Variants in SLC4A10 observed in about 807,000 individuals in gnomAD.
SLC4A10 encodes sodium-driven chloride bicarbonate exchanger.
Under a neutral mutation model 137.7 loss-of-function variants are expected in SLC4A10, and 42 were observed. The observed-to-expected ratio is 0.30, with a 90% CI of 0.24 to 0.39. The LOEUF (loss-of-function observed/expected upper bound fraction) is 0.39, where lower values mean the gene tolerates loss of function less well. SLC4A10 is among the 10% of genes least tolerant of loss of function. The pLI, the probability that SLC4A10 is intolerant of heterozygous loss-of-function variation, is 1.00. For missense variants in SLC4A10, 925 were observed against 1,355.0 expected, an observed-to-expected ratio of 0.68 and a Z score of 4.98; for synonymous variants, 474 against 464.1, an observed-to-expected ratio of 1.02 and a Z score of -0.27.
intron 4 of SLC4A10, among the ~76,000 whole-genome samples, chr2:161,842,105 GTTAT>G (rs2059221319): frequency 6.6e-6 from 1 of 151,972 alleles, no homozygotes; most frequent in South Asian, 2.1e-4. Flanking sequence ...AGACATTTAG[GTTAT>G]TTATTTTTTT....
At chr2:161,763,434 A>G (rs566815039) in intron 1 of SLC4A10, among the ~76,000 whole-genome samples, 13 of 152,286 alleles carry the variant, frequency 8.5e-5, no homozygotes, top group African/African-American at 3.1e-4. Flanking sequence ...GTGTGGGCAT[A>G]TAAGAAATAA....
chr2:161,708,065 G>A (rs927940606), intron 1 of SLC4A10, among the ~76,000 whole-genome samples: 5 of 151,246 alleles, frequency 3.3e-5, no homozygotes, highest in South Asian at 2.1e-4. Context: ...AATATAAAAT[G>A]TATGTTGGTA....
At chr2:161,860,055 A>G (rs1269160120) in intron 5 of SLC4A10, among the ~76,000 whole-genome samples, 1 of 152,208 alleles carries the variant, frequency 6.6e-6, no homozygotes, top group Admixed American at 6.5e-5. Flanking sequence ...AGTGGTGAAA[A>G]GAACAATGTA....
At chr2:161,743,718 G>T (rs960876306) in intron 1 of SLC4A10, among the ~76,000 whole-genome samples, 1 of 151,968 alleles carries the variant, frequency 6.6e-6, no homozygotes, top group Admixed American at 6.6e-5. Context: ...TCTATAGATT[G>T]CTTTGGGTAG....
intron 6 of SLC4A10, among the ~76,000 whole-genome samples, chr2:161,870,390 G>T (rs2061041830): frequency 6.6e-6 from 1 of 151,646 alleles, no homozygotes; most frequent in South Asian, 2.1e-4. Context: ...TTTTGTATGT[G>T]TTTGGTGATA....
intron 1 of SLC4A10, among the ~76,000 whole-genome samples, chr2:161,668,758 T>A (rs777864140): frequency 6.6e-6 from 1 of 151,874 alleles, no homozygotes; most frequent in Non-Finnish European, 1.5e-5. Flanking sequence ...AGAATATGGA[T>A]ATGCAAAATT....
intron 1 of SLC4A10, among the ~76,000 whole-genome samples, chr2:161,661,086 C>CAT (rs1352605392): frequency 6.6e-6 from 1 of 152,150 alleles, no homozygotes; most frequent in Non-Finnish European, 1.5e-5. Flanking sequence ...TAATTTATAT[C>CAT]ATATAATTTC....
At chr2:161,880,278 T>A (rs2061686646) in intron 9 of SLC4A10, among the ~76,000 whole-genome samples, 1 of 152,200 alleles carries the variant, frequency 6.6e-6, no homozygotes, top group Admixed American at 6.6e-5. Context: ...AGTTACTTGA[T>A]GAAAAGTTCA....
intron 10 of SLC4A10, among the ~76,000 whole-genome samples, chr2:161,893,344 A>T (rs1291122094): frequency 6.6e-6 from 1 of 151,948 alleles, no homozygotes; most frequent in African/African-American, 2.4e-5. Flanking sequence ...TATAATATAT[A>T]GTTGGCCCTC....
intron 1 of SLC4A10, among the ~76,000 whole-genome samples, chr2:161,680,282 T>A (rs1038239697): frequency 3.3e-5 from 5 of 152,142 alleles, no homozygotes; most frequent in African/African-American, 1.2e-4. Context: ...AGTAAATAAA[T>A]ATTTAGATGA....
intron 1 of SLC4A10, among the ~76,000 whole-genome samples, chr2:161,645,701 A>C (rs2105525444): frequency 6.6e-6 from 1 of 152,212 alleles, no homozygotes; most frequent in East Asian, 1.9e-4. Flanking sequence ...CTTTTTAAAA[A>C]TATAATATTC....
At chr2:161,956,781 C>G (rs143853452) in intron 19 of SLC4A10, among the ~76,000 whole-genome samples, 178 of 152,210 alleles carry the variant, frequency 1.2e-3, no homozygotes, top group African/African-American at 4.1e-3. Flanking sequence ...AGCTTAGGCT[C>G]CATGATATTA....
chr2:161,933,133 T>TTCTTTC (rs1342703036), intron 15 of SLC4A10, among the ~76,000 whole-genome samples: 2 of 151,490 alleles, frequency 1.3e-5, no homozygotes, highest in Non-Finnish European at 2.9e-5. Context: ...CTGCCTGTTT[T>TTCTTTC]TCTTTCTTTT....
At chr2:161,853,187 G>A (rs2059923757) in intron 4 of SLC4A10, among the ~76,000 whole-genome samples, 1 of 152,098 alleles carries the variant, frequency 6.6e-6, no homozygotes, top group Non-Finnish European at 1.5e-5. Flanking sequence ...AGTTGGGATA[G>A]GCTAAATTAT....
intron 1 of SLC4A10, among the ~76,000 whole-genome samples, chr2:161,695,143 G>T (rs1392689838): frequency 1.3e-5 from 2 of 152,016 alleles, no homozygotes; most frequent in Non-Finnish European, 2.9e-5. Context: ...ACAATACAGA[G>T]AAATTAAGAA....
At chr2:161,824,812 A>C (rs1398333123) in intron 3 of SLC4A10, among the ~76,000 whole-genome samples, 1 of 152,160 alleles carries the variant, frequency 6.6e-6, no homozygotes, top group Non-Finnish European at 1.5e-5. Flanking sequence ...AGAAATGAAA[A>C]AGCGAAAAGG....
chr2:161,942,748 A>T, intron 15 of SLC4A10, 44 bp from the exon 16 acceptor site: 1 of 1,482,946 alleles, frequency 6.7e-7, no homozygotes, highest in Non-Finnish European at 9.2e-7. Flanking sequence ...GTACAGTCAC[A>T]AAAAGCTACT....
intron 17 of SLC4A10, 38 bp from the exon 18 acceptor site, chr2:161,949,110 T>C: frequency 7.5e-7 from 1 of 1,340,008 alleles, no homozygotes; most frequent in South Asian, 1.2e-5. Context: ...TTGATATTTA[T>C]AGCTACTTTA....
intron 15 of SLC4A10, among the ~76,000 whole-genome samples, chr2:161,909,901 C>T (rs1306220048): frequency 6.6e-6 from 1 of 152,124 alleles, no homozygotes; most frequent in Non-Finnish European, 1.5e-5. Context: ...GTGACCTTTT[C>T]ACACTGAATC....
Sources: gnomAD v4.1 joint callset for allele counts (sites outside exome capture counted in the v4.1 genomes callset) on GRCh38, gnomAD v4.1.1 for gene constraint, MANE v1.5 for transcripts, NCBI Gene and HGNC (gene_info 2026-07-23, HGNC 2026-07-21) for gene names.